Variants in TGFBRAP1 observed in about 807,000 individuals in gnomAD.
TGFBRAP1 encodes transforming growth factor beta receptor associated protein 1, also known as transforming growth factor-beta receptor-associated protein 1.
A neutral mutation model predicts 83.2 loss-of-function variants in TGFBRAP1; 20 were observed. That is an observed-to-expected ratio of 0.24 (90% CI 0.17 to 0.35). The LOEUF (loss-of-function observed/expected upper bound fraction) is 0.35, where lower values mean the gene tolerates loss of function less well. TGFBRAP1 is among the 10% of genes least tolerant of loss of function. The pLI is 1.00. For synonymous variants in TGFBRAP1, 415 were observed against 459.8 expected, an observed-to-expected ratio of 0.90 and a Z score of 1.25; for missense variants, 950 against 1,099.4, an observed-to-expected ratio of 0.86 and a Z score of 1.92.
At chr2:105,289,890 T>G (rs1677845909) in intron 4 of TGFBRAP1, among the ~76,000 whole-genome samples, 1 of 152,234 alleles carries the variant, frequency 6.6e-6, no homozygotes, top group African/African-American at 2.4e-5. Flanking sequence ...CAATTTAAAT[T>G]ATTACAGGAC....
At chr2:105,251,853 T>C in the TGFBRAP1 span, among the ~76,000 whole-genome samples, 1 of 150,006 alleles carries the variant, frequency 6.7e-6, no homozygotes, top group East Asian at 1.9e-4. Context: ...CCCCCAACCC[T>C]GTGCTCTCTG....
intron 5 of TGFBRAP1, among the ~76,000 whole-genome samples, chr2:105,282,834 A>AT (rs1677589451): frequency 6.6e-6 from 1 of 150,536 alleles, no homozygotes; most frequent in Non-Finnish European, 1.5e-5. Flanking sequence ...TCAAAACGAA[A>AT]AAAAAAAAAA....
At chr2:105,305,270 C>T (rs1218087389) in intron 2 of TGFBRAP1, among the ~76,000 whole-genome samples, 2 of 152,162 alleles carry the variant, frequency 1.3e-5, no homozygotes, top group African/African-American at 4.8e-5. Flanking sequence ...TTCGTTATCA[C>T]AAGAAAATGT....
intron 4 of TGFBRAP1, among the ~76,000 whole-genome samples, chr2:105,285,452 C>A (rs1008630593): frequency 6.6e-6 from 1 of 152,176 alleles, no homozygotes; most frequent in Non-Finnish European, 1.5e-5. Flanking sequence ...CGTTTTTAGA[C>A]CCAACTTACT....
chr2:105,286,011 G>A (rs554052287), intron 4 of TGFBRAP1, among the ~76,000 whole-genome samples: 27 of 152,314 alleles, frequency 1.8e-4, no homozygotes, highest in African/African-American at 6.0e-4. Flanking sequence ...GGACCCATCA[G>A]CTGCAGTAGA....
chr2:105,301,428 A>G (rs1678286249), intron 2 of TGFBRAP1, among the ~76,000 whole-genome samples: 1 of 151,984 alleles, frequency 6.6e-6, no homozygotes, highest in African/African-American at 2.4e-5. Context: ...CTACAAAAAA[A>G]TACAAAAAAT....
intron 2 of TGFBRAP1, among the ~76,000 whole-genome samples, chr2:105,303,556 A>C (rs1331203640): frequency 6.6e-6 from 1 of 152,256 alleles, no homozygotes; most frequent in Non-Finnish European, 1.5e-5. Context: ...CACATCACAT[A>C]CATTTGCGTC....
At chr2:105,273,304 A>G (rs1351627562) in intron 9 of TGFBRAP1, among the ~76,000 whole-genome samples, 1 of 152,204 alleles carries the variant, frequency 6.6e-6, no homozygotes, top group Non-Finnish European at 1.5e-5. Context: ...ATAATAACAA[A>G]GAAGGAAAAG....
chr2:105,289,229 T>C (rs1206306355), intron 4 of TGFBRAP1, among the ~76,000 whole-genome samples: 1 of 152,002 alleles, frequency 6.6e-6, no homozygotes, highest in East Asian at 1.9e-4. Flanking sequence ...CAAACTCTCT[T>C]GGGAAGGATA....
chr2:105,320,237 A>G (rs897028056), intron 1 of TGFBRAP1, among the ~76,000 whole-genome samples: 1 of 152,220 alleles, frequency 6.6e-6, no homozygotes, highest in Non-Finnish European at 1.5e-5. Context: ...CTATATGTGC[A>G]CCAGAACTTC....
chr2:105,305,509 A>T (rs1375774862), intron 2 of TGFBRAP1, among the ~76,000 whole-genome samples: 1 of 152,230 alleles, frequency 6.6e-6, no homozygotes, highest in African/African-American at 2.4e-5. Context: ...AGTTAAGTCC[A>T]TAAGAGCACT....
At chr2:105,324,002 C>G (rs539824354) in intron 1 of TGFBRAP1, among the ~76,000 whole-genome samples, 2 of 151,514 alleles carry the variant, frequency 1.3e-5, no homozygotes, top group Non-Finnish European at 2.9e-5. Context: ...GTTAAGGTCA[C>G]GAAAAAAGAG....
chr2:105,269,781 T>A lies in TGFBRAP1; in HGVS notation c.1973-76A>T. On this transcript the variant is annotated intron_variant, in intron 10 of 11. Coordinates refer to ENST00000393359, the MANE Select transcript of TGFBRAP1 (RefSeq NM_004257.6). The surrounding 1 kb of genome is among the most constrained non-coding windows in gnomAD (Gnocchi z 4.1). ...GCCCAGCGACTGGCCTCCTTGCTGC[T>A]CTGGGCTTCAGGAGGGGAAAAGTCA... The A allele has an allele frequency of 7.1e-7, 1 of 1,409,072 alleles. No homozygotes were observed. Among genetic ancestry groups the A allele is most frequent in the Non-Finnish European group, 9.3e-7 (1 of 1,078,386 alleles). 87.3% of individuals were successfully genotyped at this position (1,409,072 alleles called of 1,614,324 possible). A position where few individuals can be genotyped will look rare whatever the true frequency, so the allele number is the denominator to read the frequency against.
At chr2:105,313,117 A>G (rs1172495185) in intron 1 of TGFBRAP1, among the ~76,000 whole-genome samples, 2 of 152,116 alleles carry the variant, frequency 1.3e-5, no homozygotes, top group Non-Finnish European at 2.9e-5. Context: ...TGTCTCAAAA[A>G]AAAAAGAGAA....
downstream of TGFBRAP1, among the ~76,000 whole-genome samples, chr2:105,260,506 C>T (rs1676764722): frequency 6.6e-6 from 1 of 152,176 alleles, no homozygotes; most frequent in Non-Finnish European, 1.5e-5. Flanking sequence ...AGGACACACA[C>T]TGTGTGATTC....
the TGFBRAP1 span, among the ~76,000 whole-genome samples, chr2:105,258,276 C>A: frequency 6.6e-6 from 1 of 152,264 alleles, no homozygotes; most frequent in African/African-American, 2.4e-5. Context: ...TGGTCAATTT[C>A]ATGTGTCAAT....
At chr2:105,320,558 C>T (rs1401825640) in intron 1 of TGFBRAP1, among the ~76,000 whole-genome samples, 1 of 152,200 alleles carries the variant, frequency 6.6e-6, no homozygotes, top group African/African-American at 2.4e-5. Flanking sequence ...CTCCTTATAA[C>T]ATACCAGAAG....
downstream of TGFBRAP1, among the ~76,000 whole-genome samples, chr2:105,264,222 A>G (rs1023516166): frequency 6.6e-6 from 1 of 152,208 alleles, no homozygotes; most frequent in Non-Finnish European, 1.5e-5. Flanking sequence ...TCTGATGGCA[A>G]CCAATGTCAA....
In TGFBRAP1 at chr2:105,294,456, A is replaced by G. The variant is rs375258108; in HGVS notation, c.1038+1900T>C. ...AAGCAAAGGACTCGGTCCGTAATGG[A>G]AAAAGATCATTTCCATATAGTTGCA... On this transcript the variant is annotated intron_variant, in intron 4 of 11. Transcript: ENST00000393359. Among the ~76,000 whole-genome samples the G allele has an allele frequency of 3.3e-5, 5 of 152,262 alleles. No homozygotes were observed. The South Asian group carries it at 1.0e-3, about 32-fold the overall frequency.
Sources: gnomAD v4.1 joint callset for allele counts (sites outside exome capture counted in the v4.1 genomes callset) on GRCh38, gnomAD v4.1.1 for gene constraint, Gnocchi (gnomAD v3.1) non-coding constraint, MANE v1.5 for transcripts, NCBI Gene and HGNC (gene_info 2026-07-23, HGNC 2026-07-21) for gene names.